The following FRMD6 variants were observed in gnomAD, a reference collection of about 807,000 sequenced individuals.
FRMD6 encodes the protein FERM domain containing 6, also known as FERM domain-containing protein 6.
A neutral mutation model predicts 73.2 loss-of-function variants in FRMD6; 37 were observed. That is an observed-to-expected ratio of 0.51 (90% CI 0.39 to 0.66). The LOEUF (loss-of-function observed/expected upper bound fraction) is 0.66, where lower values mean the gene tolerates loss of function less well. Among genes scored for constraint, FRMD6 ranks in the 30% least tolerant of loss-of-function variants. The pLI is 0.00. For synonymous variants in FRMD6, 273 were observed against 282.2 expected (o/e 0.97, Z 0.33); for missense variants, 714 against 780.5 (o/e 0.91, Z 1.02).
At chr14:51,684,756 A>T (rs72622449) in intron 1 of FRMD6, among the ~76,000 whole-genome samples, 42,190 of 152,030 alleles carry the variant, frequency 0.28, 6,574 homozygotes, top group Non-Finnish European at 0.35. Context: ...CCAAAATGTC[A>T]GTAGTGGCAA....
intron 2 of FRMD6, among the ~76,000 whole-genome samples, chr14:51,590,523 T>C (rs890122545): frequency 6.6e-6 from 1 of 152,216 alleles, no homozygotes; most frequent in Non-Finnish European, 1.5e-5. Context: ...ATCTGGTTTA[T>C]GCAACAGCAT....
intron 1 of FRMD6, among the ~76,000 whole-genome samples, chr14:51,673,746 G>C (rs1453149727): frequency 6.6e-6 from 1 of 152,150 alleles, no homozygotes; most frequent in Non-Finnish European, 1.5e-5. Flanking sequence ...GGCATCTTTT[G>C]CATAATTATG....
intron 2 of FRMD6, among the ~76,000 whole-genome samples, chr14:51,626,991 G>A (rs935125231): frequency 2.6e-5 from 4 of 152,252 alleles, no homozygotes; most frequent in Admixed American, 6.5e-5. Flanking sequence ...CAGTTTTAAG[G>A]AGGTTTTAAA....
At chr14:51,420,029 C>T in the FRMD6 span, among the ~76,000 whole-genome samples, 45,167 of 151,688 alleles carry the variant, frequency 0.3, 7,149 homozygotes, top group African/African-American at 0.4. Flanking sequence ...ACTTCCTGCG[C>T]TTTTTAGGTG....
chr14:51,408,106 T>A, the FRMD6 span, among the ~76,000 whole-genome samples: 2 of 152,144 alleles, frequency 1.3e-5, no homozygotes, highest in Non-Finnish European at 2.9e-5. Flanking sequence ...TATAGAGCAT[T>A]CTGAGTCTTC....
rs551151189 is a variant in FRMD6 at position 51,665,798 on chromosome 14, G to A, written c.-147+13802G>A. 9.2e-5 allele frequency among the ~76,000 whole-genome samples: 14 copies of A among 152,250 alleles called. 1 individual carries two copies. The South Asian group carries it at 2.1e-3, about 23-fold the overall frequency. ...GGTGTGTCTTTCCCGTGCTGTTCTCGTGATAATGATTAAGTCTCACAAGAT... is the reference window on the plus strand; with the variant it reads ...GGTGTGTCTTTCCCGTGCTGTTCTCATGATAATGATTAAGTCTCACAAGAT... On this transcript the variant is annotated intron_variant, in intron 1 of 13. Coordinates refer to ENST00000344768, the MANE Select transcript of FRMD6 (RefSeq NM_001267046.2).
chr14:51,458,792 C>CTCTA, the FRMD6 span, among the ~76,000 whole-genome samples: 1 of 152,166 alleles, frequency 6.6e-6, no homozygotes, highest in African/African-American at 2.4e-5. Context: ...CCATGATGTA[C>CTCTA]TCTAGGTCTT....
At chr14:51,440,664 C>A in the FRMD6 span, among the ~76,000 whole-genome samples, 2 of 151,910 alleles carry the variant, frequency 1.3e-5, no homozygotes, top group Non-Finnish European at 2.9e-5. Flanking sequence ...TAGAGCCAAG[C>A]AAATGTACTT....
intron 1 of FRMD6, among the ~76,000 whole-genome samples, chr14:51,544,040 C>A (rs968297938): frequency 5.9e-5 from 9 of 152,010 alleles, no homozygotes; most frequent in Non-Finnish European, 1.3e-4. Context: ...ACCATCAGCA[C>A]AGCTTCAACA....
In FRMD6 at chr14:51,551,631, G is replaced by A. The variant is rs138922365; in HGVS notation, c.-209-18717G>A. The stretch of plus-strand genomic sequence containing the variant: ...TTGTGCTTGTAGTCCCAGCTACTTG[G>A]GGGGCTGAGGTGGAAGGATGGCTTG... On this transcript the variant is annotated intron_variant, in intron 1 of 14. Coordinates refer to the FRMD6 transcript ENST00000356218. 4.4e-3 allele frequency among the ~76,000 whole-genome samples: 669 copies of A among 152,206 alleles called. 2 individuals carry two copies. The highest frequency in any genetic ancestry group is 0.015 in the African/African-American group (617 of 41,532).
upstream of FRMD6, chr14:51,649,760 T>C (rs1374144164): frequency 6.8e-6 from 1 of 147,462 alleles, no homozygotes; most frequent in African/African-American, 2.5e-5. Flanking sequence ...TACAGCTACA[T>C]TTTTTTTTTT....
intron 1 of FRMD6, among the ~76,000 whole-genome samples, chr14:51,670,872 C>T (rs1027902344): frequency 6.6e-6 from 1 of 152,166 alleles, no homozygotes; most frequent in Non-Finnish European, 1.5e-5. Flanking sequence ...GTCTCGAATT[C>T]CTGACCTCAG....
the FRMD6 span, among the ~76,000 whole-genome samples, chr14:51,467,754 C>T: frequency 1.3e-5 from 2 of 151,614 alleles, no homozygotes; most frequent in Non-Finnish European, 2.9e-5. Context: ...AGAGACGCTC[C>T]TCACTTCCTA....
At chr14:51,669,894 G>A (rs1893877441) in intron 1 of FRMD6, among the ~76,000 whole-genome samples, 1 of 149,646 alleles carries the variant, frequency 6.7e-6, no homozygotes, top group South Asian at 2.1e-4. Context: ...AGAAAACCAG[G>A]GCAACAAAGA....
the FRMD6 span, among the ~76,000 whole-genome samples, chr14:51,483,937 AT>A: frequency 6.6e-6 from 1 of 152,174 alleles, no homozygotes; most frequent in Non-Finnish European, 1.5e-5. Flanking sequence ...GCTTGCAGAG[AT>A]TAAGTAACTC....
the FRMD6 span, among the ~76,000 whole-genome samples, chr14:51,427,095 C>G: frequency 6.6e-6 from 1 of 152,138 alleles, no homozygotes; most frequent in African/African-American, 2.4e-5. Flanking sequence ...CTTTCTGAGA[C>G]CTAGTAGGTA....
intron 1 of FRMD6, among the ~76,000 whole-genome samples, chr14:51,553,990 C>G (rs1008211594): frequency 6.6e-6 from 1 of 152,110 alleles, no homozygotes; most frequent in Non-Finnish European, 1.5e-5. Context: ...TAAAAAGAAC[C>G]AGGGATTCTT....
chr14:51,478,169 G>A, the FRMD6 span, among the ~76,000 whole-genome samples: 31 of 152,322 alleles, frequency 2.0e-4, no homozygotes, highest in East Asian at 9.6e-4. Flanking sequence ...TTTCAAGCCA[G>A]CATGTCTGTA....
At chr14:51,466,441 G>C in the FRMD6 span, among the ~76,000 whole-genome samples, 1 of 152,262 alleles carries the variant, frequency 6.6e-6, no homozygotes, top group African/African-American at 2.4e-5. Flanking sequence ...TATTATGTGA[G>C]ATGAAAATTG....
Sources: gnomAD v4.1 joint callset for allele counts (sites outside exome capture counted in the v4.1 genomes callset) on GRCh38, gnomAD v4.1.1 for gene constraint, MANE v1.5 for transcripts, NCBI Gene and HGNC (gene_info 2026-07-23, HGNC 2026-07-21) for gene names.